FAM149B1: variants seen among roughly 807,000 people sequenced by gnomAD.
FAM149B1 encodes the protein primary cilium assembly protein FAM149B1.
Under a neutral mutation model 75.3 loss-of-function variants are expected in FAM149B1, and 56 were observed. The observed-to-expected ratio is 0.74, with a 90% CI of 0.60 to 0.93. The LOEUF (loss-of-function observed/expected upper bound fraction) is 0.93, where lower values mean the gene tolerates loss of function less well. FAM149B1 is among the 40% of genes least tolerant of loss of function. The probability of loss-of-function intolerance (pLI) is 0.00; values close to 1 mark genes in which losing one functional copy is unlikely to be tolerated. For synonymous variants in FAM149B1, 259 were observed against 256.1 expected, an observed-to-expected ratio of 1.01 and a Z score of -0.11; for missense variants, 639 against 708.4, an observed-to-expected ratio of 0.90 and a Z score of 1.11.
chr10:73,215,570 TA>T (rs2043280633), intron 7 of FAM149B1, among the ~76,000 whole-genome samples: 1 of 152,176 alleles, frequency 6.6e-6, no homozygotes, highest in Non-Finnish European at 1.5e-5. Flanking sequence ...ACTTTCCTCT[TA>T]ATACTGCTTT....
intron 8 of FAM149B1, among the ~76,000 whole-genome samples, chr10:73,228,784 CAG>C (rs1335760448): frequency 2.0e-5 from 3 of 152,062 alleles, no homozygotes; most frequent in East Asian, 1.9e-4. Context: ...TTGGTAGAGA[CAG>C]AGTTTCACCA....
At chr10:73,216,095 T>A (rs779931638) in intron 7 of FAM149B1, among the ~76,000 whole-genome samples, 13 of 151,250 alleles carry the variant, frequency 8.6e-5, no homozygotes, top group African/African-American at 1.5e-4. Context: ...GTTGGGTACA[T>A]ATATATTTAG....
rs1241888716 is a variant in FAM149B1, at chr10:73,208,632, G to A, written c.556G>A (p.Gly186Arg). The A allele has an allele frequency of 8.5e-6, 13 of 1,525,604 alleles. No homozygotes were observed. The highest frequency in any genetic ancestry group is 1.1e-5 in the Non-Finnish European group (12 of 1,131,548). 94.5% of individuals were successfully genotyped at this position (1,525,604 alleles called of 1,614,324 possible). ...ERDSTIFGIR[G>R]KKLHFSSSYA... ...TTCCACTCCAAGATTTGGTATAAGG[G>A]GAAAGAAGTTACATTTTTCATCTTC... is the stretch of plus-strand genomic sequence containing the variant. The change falls in exon 6 of 14, where the codon GGA (glycine) becomes AGA (arginine). Residue 186 changes from glycine to arginine, a missense_variant. Physicochemically the swap from Gly to Arg is moderately radical, Grantham distance 125. Transcript: ENST00000242505.
chr10:73,200,127 G>A (rs2042898741), intron 5 of FAM149B1: 1 of 169,368 alleles, frequency 5.9e-6, no homozygotes, highest in East Asian at 1.6e-4. Context: ...TCAGGAGTTC[G>A]AGACCAGCCT....
chr10:73,206,831 C>G (rs925976325), intron 5 of FAM149B1, among the ~76,000 whole-genome samples: 4 of 152,174 alleles, frequency 2.6e-5, no homozygotes, highest in Non-Finnish European at 5.9e-5. Context: ...ATGAGAATCC[C>G]TTGAGCTTGG....
At chr10:73,200,724 A>G in intron 5 of FAM149B1, 2 of 465,880 alleles carry the variant, frequency 4.3e-6, no homozygotes, top group South Asian at 1.9e-5. Flanking sequence ...CTGGTGAAAA[A>G]GGAAGACTTG....
rs1305341171 is a variant in FAM149B1, at chr10:73,208,756, A to T, written c.680A>T (p.Glu227Val). The change falls in exon 6 of 14, where the codon GAG (glutamate) becomes GTG (valine). Residue 227 changes from glutamate (E) to valine (V), a missense_variant. Transcript: ENST00000242505. The part of the protein sequence containing the change: ...DSIIVSEGII[E>V]EYLAFDHIDI... The stretch of plus-strand genomic sequence containing the variant: ...ATAATCGTCTCAGAAGGAATAATTG[A>T]GGAATACCTAGCATTCGATCACATA... 3 of 1,528,954 alleles carry T rather than the reference A, an allele frequency of 2.0e-6. No homozygotes were observed. Among genetic ancestry groups the T allele is most frequent in the Non-Finnish European group, 2.6e-6 (3 of 1,133,322 alleles). The allele number at this position is 1,528,954 out of a possible 1,614,324, so 94.7% of individuals were successfully genotyped here. A position where few individuals can be genotyped will look rare whatever the true frequency, so the allele number is the denominator to read the frequency against.
At position 73,228,075 on chromosome 10, in the gene FAM149B1, T is replaced by C. The variant is rs2043597245; in HGVS notation, c.914T>C (p.Val305Ala). 1.9e-6 allele frequency: 3 copies of C among 1,551,626 alleles called. No homozygotes were observed. The highest frequency in any genetic ancestry group is 2.0e-5 in the Admixed American group (1 of 50,986). ...CTTTGCCCAGATGATGAGAGTAATGTTGCAGTTACCAGACCCGATTCAGAA... is the reference window on the plus strand; with the variant it reads ...CTTTGCCCAGATGATGAGAGTAATGCTGCAGTTACCAGACCCGATTCAGAA... ...EGFASDDESN[V>A]AVTRPDSESS... The change falls in exon 8 of 14, where the codon GTT becomes GCT. Residue 305 changes from valine (V) to alanine (A), a missense_variant. Coordinates refer to ENST00000242505, the MANE Select transcript of FAM149B1 (RefSeq NM_173348.2).
At chr10:73,177,805 A>C (rs1254989251) in intron 2 of FAM149B1, 41 bp from the exon 3 acceptor site, 3 of 1,545,652 alleles carry the variant, frequency 1.9e-6, no homozygotes, top group African/African-American at 2.8e-5. Flanking sequence ...ACATATGAAA[A>C]ATTTTCTTTT....
Position 73,243,257 on chromosome 10 carries a change from T to G in FAM149B1, c.*2238T>G. ...CTAAGATCAGGTTGAGAGATTCTGC[T>G]TGGTCTAGTCAATCTGAAAAATTCA... On this transcript the variant is annotated 3_prime_UTR_variant, in exon 14 of 14. Transcript: ENST00000242505. 1.2e-6 allele frequency: 1 copy of G among 826,456 alleles called. No homozygotes were observed. The highest frequency in any genetic ancestry group is 1.9e-6 in the Non-Finnish European group (1 of 521,488). 51.2% of individuals were successfully genotyped at this position (826,456 alleles called of 1,614,324 possible).
intron 2 of FAM149B1, among the ~76,000 whole-genome samples, chr10:73,176,896 G>A (rs933951184): frequency 7.9e-5 from 12 of 151,956 alleles, no homozygotes; most frequent in South Asian, 2.1e-4. Flanking sequence ...GGGTGGTGGC[G>A]CACACCTGTA....
intron 7 of FAM149B1, among the ~76,000 whole-genome samples, chr10:73,226,279 G>C (rs930163017): frequency 2.0e-5 from 3 of 152,036 alleles, no homozygotes; most frequent in Non-Finnish European, 4.4e-5. Flanking sequence ...GGCCGAGGCG[G>C]GTGGATCATG....
chr10:73,228,787 A>C (rs2043616981), intron 8 of FAM149B1, among the ~76,000 whole-genome samples: 1 of 151,974 alleles, frequency 6.6e-6, no homozygotes, highest in Non-Finnish European at 1.5e-5. Flanking sequence ...GTAGAGACAG[A>C]GTTTCACCAT....
chr10:73,175,608 T>C (rs930166834), intron 2 of FAM149B1, among the ~76,000 whole-genome samples: 5 of 146,720 alleles, frequency 3.4e-5, no homozygotes, highest in African/African-American at 1.3e-4. Context: ...AGGCGGAGCT[T>C]GCAGTGAGCC....
chr10:73,207,767 A>G (rs1024708108), intron 5 of FAM149B1, among the ~76,000 whole-genome samples: 2 of 152,134 alleles, frequency 1.3e-5, no homozygotes, highest in Non-Finnish European at 2.9e-5. Flanking sequence ...TTGAACTTGC[A>G]TGGGATCTGT....
At chr10:73,235,108 T>C (rs1291955523) in intron 11 of FAM149B1, 85 bp from the exon 12 acceptor site, 4 of 1,479,270 alleles carry the variant, frequency 2.7e-6, no homozygotes, top group Non-Finnish European at 3.7e-6. Context: ...GCACTTACCA[T>C]ATCTGCCATG....
intron 7 of FAM149B1, among the ~76,000 whole-genome samples, chr10:73,211,056 G>T (rs1438929525): frequency 6.6e-6 from 1 of 152,082 alleles, no homozygotes. Context: ...AGTCCCACAA[G>T]ACTACCCCCA....
At chr10:73,191,126 C>T (rs1260564720) in intron 3 of FAM149B1, among the ~76,000 whole-genome samples, 5 of 152,024 alleles carry the variant, frequency 3.3e-5, no homozygotes, top group African/African-American at 4.8e-5. Context: ...CCACAACCTC[C>T]GCCTCCCGGG....
At chr10:73,215,735 G>A (rs1222450433) in intron 7 of FAM149B1, among the ~76,000 whole-genome samples, 3 of 152,122 alleles carry the variant, frequency 2.0e-5, no homozygotes, top group Non-Finnish European at 4.4e-5. Context: ...TCTTTGTGGT[G>A]TTGATTTCCG....
Sources: gnomAD v4.1 joint callset for allele counts (sites outside exome capture counted in the v4.1 genomes callset) on GRCh38, gnomAD v4.1.1 for gene constraint, MANE v1.5 for transcripts, NCBI Gene and HGNC (gene_info 2026-07-23, HGNC 2026-07-21) for gene names.